SEMA5A: variants seen among roughly 807,000 people sequenced by gnomAD.
SEMA5A encodes the protein semaphorin-5A.
SEMA5A carries 55 observed loss-of-function variants against 135.5 expected under a neutral mutation model. That is an observed-to-expected ratio of 0.41 (90% CI 0.33 to 0.51). SEMA5A has a LOEUF of 0.51. SEMA5A is among the 20% of genes least tolerant of loss of function. SEMA5A has a pLI of 0.37. For missense variants in SEMA5A, 1,290 were observed against 1,419.9 expected (o/e 0.91, Z 1.47); for synonymous variants, 580 against 546.5 (o/e 1.06, Z -0.85).
chr5:9,074,297 G>A (rs1737925688), intron 16 of SEMA5A, among the ~76,000 whole-genome samples: 2 of 152,276 alleles, frequency 1.3e-5, no homozygotes, highest in South Asian at 2.1e-4. Flanking sequence ...ATATCCACAT[G>A]TGAAAACATG....
At chr5:9,219,385 G>A (rs1432333282) in intron 8 of SEMA5A, among the ~76,000 whole-genome samples, 1 of 152,138 alleles carries the variant, frequency 6.6e-6, no homozygotes, top group African/African-American at 2.4e-5. Context: ...GATGAGAGGT[G>A]AAACATGGAG....
chr5:9,388,906 AAAAG>A (rs1019136606), intron 2 of SEMA5A, among the ~76,000 whole-genome samples: 20 of 151,976 alleles, frequency 1.3e-4, no homozygotes, highest in Non-Finnish European at 2.2e-4. Context: ...CTCAAAAAAA[AAAAG>A]AAAGAAAGAA....
intron 16 of SEMA5A, among the ~76,000 whole-genome samples, chr5:9,083,230 T>A (rs1366998383): frequency 2.6e-5 from 4 of 152,236 alleles, no homozygotes. Flanking sequence ...CATCATTTAA[T>A]GGATCTGGGC....
chr5:9,150,996 C>T (rs143038348), intron 12 of SEMA5A, among the ~76,000 whole-genome samples: 198 of 152,244 alleles, frequency 1.3e-3, no homozygotes, highest in Non-Finnish European at 2.4e-3. Flanking sequence ...GGGCCTGGGG[C>T]AGTCTCGGCT....
intron 8 of SEMA5A, among the ~76,000 whole-genome samples, chr5:9,212,417 C>T (rs750308887): frequency 6.6e-6 from 1 of 152,140 alleles, no homozygotes; most frequent in Non-Finnish European, 1.5e-5. Flanking sequence ...GCGACTTTGG[C>T]ACAGGAGAAA....
intron 8 of SEMA5A, among the ~76,000 whole-genome samples, chr5:9,209,696 G>A (rs1005536413): frequency 1.3e-5 from 2 of 152,070 alleles, no homozygotes; most frequent in Non-Finnish European, 2.9e-5. Flanking sequence ...TCTGAGCTGG[G>A]GCAAAAAGAA....
intron 1 of SEMA5A, among the ~76,000 whole-genome samples, chr5:9,519,060 T>C (rs1406135801): frequency 1.3e-5 from 2 of 152,346 alleles, no homozygotes; most frequent in East Asian, 3.9e-4. Flanking sequence ...CTTCCCAGCA[T>C]ATTTATGTGA....
chr5:9,306,582 T>A (rs958829422), intron 5 of SEMA5A, among the ~76,000 whole-genome samples: 1 of 152,220 alleles, frequency 6.6e-6, no homozygotes, highest in Non-Finnish European at 1.5e-5. Context: ...CTTATATTAA[T>A]CATAATTATT....
chr5:9,234,091 T>C (rs965099581), intron 6 of SEMA5A, among the ~76,000 whole-genome samples: 2 of 152,242 alleles, frequency 1.3e-5, no homozygotes, highest in African/African-American at 4.8e-5. Context: ...TCTAAGCTCA[T>C]GACCACTAAG....
At position 9,204,881 on chromosome 5, in the gene SEMA5A, A is replaced by G. The variant is rs1745924903; in HGVS notation, c.647-2641T>C. Among the ~76,000 whole-genome samples, 1 of 152,156 alleles carries G rather than the reference A, an allele frequency of 6.6e-6. No individual in the cohort carries two copies. Among genetic ancestry groups the G allele is most frequent in the African/African-American group, 2.4e-5 (1 of 41,436 alleles). ...AAATTCTCATAGGAGCAGGAACCCT[A>G]CTGTGAACTGTGCATGTGAGGGATC... On this transcript the variant is annotated intron_variant, in intron 8 of 22. Coordinates refer to ENST00000382496, the MANE Select transcript of SEMA5A (RefSeq NM_003966.3). The surrounding 1 kb of genome is among the most constrained non-coding windows in gnomAD (Gnocchi z 6.4).
chr5:9,257,569 T>C (rs946404818), intron 5 of SEMA5A, among the ~76,000 whole-genome samples: 17 of 151,552 alleles, frequency 1.1e-4, no homozygotes, highest in Non-Finnish European at 2.2e-4. Context: ...GTGTGGTTTA[T>C]ACTAGGGACT....
At chr5:9,321,691 C>G (rs1265315286) in intron 4 of SEMA5A, among the ~76,000 whole-genome samples, 3 of 152,168 alleles carry the variant, frequency 2.0e-5, no homozygotes, top group African/African-American at 7.2e-5. Context: ...TGTCATTGGT[C>G]CTGGAATCCA....
intron 5 of SEMA5A, among the ~76,000 whole-genome samples, chr5:9,248,701 A>G (rs1748610022): frequency 2.0e-5 from 3 of 152,176 alleles, no homozygotes; most frequent in African/African-American, 4.8e-5. Context: ...TGCGGAGCAT[A>G]CAGAGGAGAA....
chr5:9,126,759 G>A (rs901245313), intron 13 of SEMA5A, among the ~76,000 whole-genome samples: 8 of 152,172 alleles, frequency 5.3e-5, no homozygotes, highest in African/African-American at 1.9e-4. Context: ...GTTCCTGAGA[G>A]GGGGTCTCGG....
chr5:9,429,077 C>T (rs192842629), intron 2 of SEMA5A, among the ~76,000 whole-genome samples: 2 of 152,268 alleles, frequency 1.3e-5, no homozygotes, highest in East Asian at 3.9e-4. Flanking sequence ...GGGGGTGTGA[C>T]TTAATTCATC....
chr5:9,084,150 A>G (rs1229565608), intron 16 of SEMA5A, among the ~76,000 whole-genome samples: 2 of 152,198 alleles, frequency 1.3e-5, no homozygotes, highest in East Asian at 3.9e-4. Flanking sequence ...TTGGATGCAA[A>G]TGTTATTTTT....
intron 1 of SEMA5A, chr5:9,511,271 T>C (rs985004585): frequency 1.3e-5 from 2 of 152,212 alleles, no homozygotes; most frequent in Non-Finnish European, 2.9e-5. Context: ...GATGTCATAA[T>C]GTGATGTTCC....
chr5:9,428,052 T>G (rs1017356145), intron 2 of SEMA5A, among the ~76,000 whole-genome samples: 1 of 150,686 alleles, frequency 6.6e-6, no homozygotes, highest in Non-Finnish European at 1.5e-5. Context: ...TATCTACATA[T>G]ATTACATATA....
At chr5:9,050,135 G>A (rs1247573429) in intron 21 of SEMA5A, among the ~76,000 whole-genome samples, 2 of 152,138 alleles carry the variant, frequency 1.3e-5, no homozygotes, top group African/African-American at 4.8e-5. Context: ...CTGATTCTGT[G>A]GATCAAGGTG....
Sources: gnomAD v4.1 joint callset for allele counts (sites outside exome capture counted in the v4.1 genomes callset) on GRCh38, gnomAD v4.1.1 for gene constraint, Gnocchi (gnomAD v3.1) non-coding constraint, MANE v1.5 for transcripts, NCBI Gene and HGNC (gene_info 2026-07-23, HGNC 2026-07-21) for gene names.